Variants in OTUD6B observed in about 807,000 individuals in gnomAD.
OTUD6B encodes deubiquitinase OTUD6B.
In OTUD6B, 41 loss-of-function variants were observed where a neutral mutation model predicts 36.9. That is an observed-to-expected ratio of 1.11 (90% confidence interval 0.87 to 1.44). OTUD6B has a LOEUF of 1.44. Among genes scored for constraint, OTUD6B ranks in the 40% most tolerant of loss-of-function variants. The pLI is 0.00. For synonymous variants in OTUD6B, 114 were observed against 114.2 expected (o/e 1.00, Z 0.01); for missense variants, 356 against 344.8 (o/e 1.03, Z -0.26).
In OTUD6B at chr8:91,084,768, T is replaced by C; in HGVS notation, c.798-16T>C. 6.7e-7 allele frequency: 1 copy of C among 1,501,548 alleles called. No homozygotes were observed. Among genetic ancestry groups the C allele is most frequent in the Non-Finnish European group, 8.9e-7 (1 of 1,117,648 alleles). 93.0% of individuals were successfully genotyped at this position (1,501,548 alleles called of 1,614,324 possible). A position where few individuals can be genotyped will look rare whatever the true frequency, so the allele number is the denominator to read the frequency against. ...TTTCATCAAAACTACTCATTTCTTT[T>C]TTTTTTTAATTTCAGATATATGAGA... On this transcript the variant is annotated splice_polypyrimidine_tract_variant and intron_variant, in intron 6 of 6. Coordinates refer to ENST00000404789, the MANE Select transcript of OTUD6B (RefSeq NM_016023.5).
In OTUD6B at chr8:91,085,145, T is replaced by C. The variant is rs188750626; in HGVS notation, c.*277T>C. ...AGCTGATATTTTCATTTATGTAAGA[T>C]CCTGGACATTCTGTTTTGTGTTGGA... is the stretch of plus-strand genomic sequence containing the variant. On this transcript the variant is annotated 3_prime_UTR_variant, in exon 7 of 7. Transcript: ENST00000404789. The C allele has an allele frequency of 5.1e-6, 1 of 194,258 alleles. No homozygotes were observed. The highest frequency in any genetic ancestry group is 1.0e-5 in the Non-Finnish European group (1 of 96,188). 12.0% of individuals were successfully genotyped at this position (194,258 alleles called of 1,614,324 possible). A position where few individuals can be genotyped will look rare whatever the true frequency, so the allele number is the denominator to read the frequency against.
intron 1 of OTUD6B, among the ~76,000 whole-genome samples, chr8:91,070,840 G>T (rs752163830): frequency 6.6e-6 from 1 of 152,124 alleles, no homozygotes; most frequent in Non-Finnish European, 1.5e-5. Context: ...CTCAGTTTAG[G>T]AGGTTCAGAA....
In OTUD6B at chr8:91,080,711, C is replaced by T. The variant is rs768013337; in HGVS notation, c.671C>T (p.Ala224Val). The T allele has an allele frequency of 3.1e-6, 5 of 1,603,154 alleles. No homozygotes were observed. The highest frequency in any genetic ancestry group is 4.3e-6 in the Non-Finnish European group (5 of 1,174,052). ...KYCEDIVNTA[A>V]WGGQLELRAL... ...TGTGAAGATATTGTAAACACAGCTG[C>T]ATGGGGAGGTCAGCTTGAGGTAAGT... Residue 224 changes from alanine to valine, a missense_variant, in exon 5 of 7, where the codon GCA (alanine) becomes GTA (valine). Physicochemically the swap from Ala to Val is moderately conservative, Grantham distance 64. Coordinates refer to ENST00000404789, the MANE Select transcript of OTUD6B (RefSeq NM_016023.5).
chr8:91,082,914 G>T (rs1403022616), intron 5 of OTUD6B, among the ~76,000 whole-genome samples: 1 of 151,480 alleles, frequency 6.6e-6, no homozygotes, highest in Non-Finnish European at 1.5e-5. Context: ...TTACCATGTT[G>T]CCCAGTCTGG....
chr8:91,085,933 C>T lies in OTUD6B; in HGVS notation c.*1065C>T, dbSNP rs538912128. 6.6e-6 allele frequency: 1 copy of T among 152,050 alleles called. No homozygotes were observed. The highest frequency in any genetic ancestry group is 2.1e-4 in the South Asian group (1 of 4,820). 9.4% of individuals were successfully genotyped at this position (152,050 alleles called of 1,614,324 possible). On this transcript the variant is annotated 3_prime_UTR_variant, in exon 7 of 7. Transcript: ENST00000404789. ...TATTAATGTCACCTTTCCTTCAACT[C>T]AAATATTTGAGAAATTTTATGTTAC...
chr8:91,075,277 T>A lies in OTUD6B; in HGVS notation c.315+1366T>A, dbSNP rs551372135. Among the ~76,000 whole-genome samples, 10 of 152,194 alleles carry A rather than the reference T, an allele frequency of 6.6e-5. No homozygotes were observed. In the South Asian group the frequency reaches 8.3e-4, roughly 13 times the overall value. On this transcript the variant is annotated intron_variant, in intron 3 of 6. Coordinates refer to ENST00000404789, the MANE Select transcript of OTUD6B (RefSeq NM_016023.5). ...TCATGGAATCTTGGAGATTGTCTGC[T>A]TAGGATATGCATTCTTTTGTGATGA...
chr8:91,077,592 C>T (rs1166612367), intron 3 of OTUD6B, among the ~76,000 whole-genome samples: 2 of 152,100 alleles, frequency 1.3e-5, no homozygotes, highest in South Asian at 2.1e-4. Flanking sequence ...TCATTTCCGT[C>T]ACCCCACTCC....
intron 3 of OTUD6B, 52 bp downstream of exon 3, chr8:91,073,963 T>A: frequency 8.4e-7 from 1 of 1,185,920 alleles, no homozygotes; most frequent in Non-Finnish European, 1.2e-6. Context: ...TGTTCAATAC[T>A]ATCTTAGGTA....
intron 3 of OTUD6B, among the ~76,000 whole-genome samples, chr8:91,074,551 G>A (rs911917333): frequency 3.2e-4 from 49 of 152,018 alleles, no homozygotes; most frequent in African/African-American, 1.2e-3. Flanking sequence ...AAAAACAAAT[G>A]TGGGGGTGAT....
rs758663478 is a variant in OTUD6B at position 91,070,364 on chromosome 8, G to C, written c.-21G>C. ...CCGGTGCAGGTTTCTTCTAGCGCGT[G>C]TGCTGGGGTACCTGGTCGTCATGGA... On this transcript the variant is annotated 5_prime_UTR_variant, in exon 1 of 7. Coordinates refer to ENST00000404789, the MANE Select transcript of OTUD6B (RefSeq NM_016023.5). 11 of 1,612,428 alleles carry C rather than the reference G, an allele frequency of 6.8e-6. No individual in the cohort carries two copies. The highest frequency in any genetic ancestry group is 1.3e-5 in the African/African-American group (1 of 74,922).
chr8:91,078,073 T>C (rs545182874), intron 3 of OTUD6B, among the ~76,000 whole-genome samples: 2 of 152,076 alleles, frequency 1.3e-5, no homozygotes, highest in South Asian at 2.1e-4. Context: ...TAAGTAAGGT[T>C]TTTAGAAACT....
intron 1 of OTUD6B, 144 bp from the exon 2 acceptor site, chr8:91,070,994 T>A (rs1054821187): frequency 7.2e-7 from 1 of 1,393,564 alleles, no homozygotes; most frequent in African/African-American, 1.5e-5. Context: ...CTTCTCTCTC[T>A]GTAGCTGCCT....
chr8:91,083,809 C>A, intron 5 of OTUD6B, 199 bp from the exon 6 acceptor site: 1 of 225,704 alleles, frequency 4.4e-6, no homozygotes, highest in Non-Finnish European at 7.4e-6. Flanking sequence ...TGGTTCCAGG[C>A]ATTTAGGATA....
chr8:91,071,106 T>C (rs1435753806), intron 1 of OTUD6B, 32 bp from the exon 2 acceptor site: 16 of 1,609,668 alleles, frequency 9.9e-6, no homozygotes, highest in Admixed American at 3.4e-5. Context: ...TACTCCTGCG[T>C]GTCTGACTTA....
intron 5 of OTUD6B, among the ~76,000 whole-genome samples, chr8:91,083,098 A>G (rs1209398781): frequency 6.6e-6 from 1 of 152,074 alleles, no homozygotes; most frequent in Non-Finnish European, 1.5e-5. Flanking sequence ...TTTATATTGT[A>G]TGGTATGAAA....
In OTUD6B at chr8:91,078,559, T is replaced by C; in HGVS notation, c.519T>C (p.Ala173=). The change falls in exon 4 of 7, where the codon GCT becomes GCC. Residue 173 remains alanine (A), a synonymous_variant. Transcript: ENST00000404789. ...IEDQLKEKDC[A]LTVVALRSQT... ...ATCAACTGAAAGAAAAGGATTGTGCTCTGACTGTGGTTGCCTTGAGAAGTC... is the reference window on the plus strand; with the variant it reads ...ATCAACTGAAAGAAAAGGATTGTGCCCTGACTGTGGTTGCCTTGAGAAGTC... The C allele has an allele frequency of 6.2e-7, 1 of 1,608,812 alleles. No individual in the cohort carries two copies. Among genetic ancestry groups the C allele is most frequent in the Non-Finnish European group, 8.5e-7 (1 of 1,177,216 alleles).
chr8:91,074,013 A>T (rs77625703), intron 3 of OTUD6B, 102 bp downstream of exon 3: 1 of 721,616 alleles, frequency 1.4e-6, no homozygotes, highest in Non-Finnish European at 2.2e-6. Context: ...TGAAAAAAAA[A>T]TGATGCAGTT....
chr8:91,084,746 C>A (rs1351989451), intron 6 of OTUD6B, 38 bp from the exon 7 acceptor site: 1 of 1,398,314 alleles, frequency 7.2e-7, no homozygotes, highest in Middle Eastern at 1.9e-4. Flanking sequence ...AAATTGCTTT[C>A]ATCAAAACTA....
intron 5 of OTUD6B, among the ~76,000 whole-genome samples, chr8:91,081,635 T>G (rs1447232179): frequency 6.6e-6 from 1 of 152,140 alleles, no homozygotes; most frequent in East Asian, 1.9e-4. Context: ...CATAAAAGTT[T>G]GTAAGCTGAA....
Sources: gnomAD v4.1 joint callset for allele counts (sites outside exome capture counted in the v4.1 genomes callset) on GRCh38, gnomAD v4.1.1 for gene constraint, MANE v1.5 for transcripts, NCBI Gene and HGNC (gene_info 2026-07-23, HGNC 2026-07-21) for gene names.